Variants in TTC7B observed in about 807,000 individuals in gnomAD.
TTC7B encodes the protein tetratricopeptide repeat protein 7B.
Under a neutral mutation model 106.8 loss-of-function variants are expected in TTC7B, and 28 were observed. The observed-to-expected ratio is 0.26, with a 90% CI of 0.19 to 0.36. The LOEUF (loss-of-function observed/expected upper bound fraction) is 0.36. Among genes scored for constraint, TTC7B ranks in the 10% least tolerant of loss-of-function variants. TTC7B has a pLI of 1.00. For missense variants in TTC7B, 862 were observed against 1,076.4 expected (o/e 0.80, Z 2.79); for synonymous variants, 405 against 430.6 (o/e 0.94, Z 0.74).
chr14:90,550,515 C>T (rs1890032347), intron 19 of TTC7B, among the ~76,000 whole-genome samples: 1 of 152,190 alleles, frequency 6.6e-6, no homozygotes, highest in Admixed American at 6.5e-5. Flanking sequence ...AAAGTGCTTG[C>T]TTTTGGTCTC....
At position 90,617,962 on chromosome 14, in the gene TTC7B, A is replaced by G. The variant is rs1360176568; in HGVS notation, c.1835T>C (p.Ile612Thr). The G allele has an allele frequency of 6.2e-7, 1 of 1,613,968 alleles. No individual in the cohort carries two copies. Among genetic ancestry groups the G allele is most frequent in the South Asian group, 1.1e-5 (1 of 91,082 alleles). Reference sequence around the variant, plus strand: ...GGTGAGGTTGTAGCAGGATTTCCATATCTGCAGCATGTGCTTACAAGTCAG... The same window carrying G: ...GGTGAGGTTGTAGCAGGATTTCCATGTCTGCAGCATGTGCTTACAAGTCAG... The part of the protein sequence containing the change: ...ALLTCKHMLQ[I>T]WKSCYNLTNP... Residue 612 changes from isoleucine (I) to threonine (T), a missense_variant, in exon 16 of 20, where the codon ATA becomes ACA. Ile to Thr is a moderately conservative substitution (Grantham distance 89). Transcript: ENST00000328459.
intron 15 of TTC7B, among the ~76,000 whole-genome samples, chr14:90,631,397 C>G (rs374019046): frequency 1.3e-5 from 2 of 150,732 alleles, no homozygotes; most frequent in Non-Finnish European, 3.0e-5. Context: ...TTTTCCATAG[C>G]GTCTGCACCA....
rs1021965331 is a variant in TTC7B, at chr14:90,805,138, C to T, written c.121+11037G>A. 1.3e-5 allele frequency among the ~76,000 whole-genome samples: 2 copies of T among 152,154 alleles called. No homozygotes were observed. The highest frequency in any genetic ancestry group is 1.9e-4 in the East Asian group (1 of 5,196). ...CCACAGCCACTCCCAGTCCTGAGCA[C>T]GTGCCCAGGTCTGCTAAGAGTTACA... On this transcript the variant is annotated intron_variant, in intron 1 of 19. Coordinates refer to ENST00000328459, the MANE Select transcript of TTC7B (RefSeq NM_001010854.2). This position sits in a 1 kb window ranked among gnomAD's most constrained non-coding sequence, Gnocchi z 4.0.
In TTC7B at chr14:90,657,432, C is replaced by A; in HGVS notation, c.1237-154G>T. On this transcript the variant is annotated intron_variant, in intron 10 of 19. Coordinates refer to ENST00000328459, the MANE Select transcript of TTC7B (RefSeq NM_001010854.2). The surrounding 1 kb of genome is among the most constrained non-coding windows in gnomAD (Gnocchi z 4.2). ...GCGGGGGCCTGAGGTGCATGAAAACCAGAGCCTGCGGCTTCTGAGTGACTG... is the reference window on the plus strand; with the variant it reads ...GCGGGGGCCTGAGGTGCATGAAAACAAGAGCCTGCGGCTTCTGAGTGACTG... 1 of 623,016 alleles carries A rather than the reference C, an allele frequency of 1.6e-6. No homozygotes were observed. Among genetic ancestry groups the A allele is most frequent in the Admixed American group, 3.1e-5 (1 of 32,536 alleles). 38.6% of individuals were successfully genotyped at this position (623,016 alleles called of 1,614,324 possible). A position where few individuals can be genotyped will look rare whatever the true frequency, so the allele number is the denominator to read the frequency against.
intron 1 of TTC7B, among the ~76,000 whole-genome samples, chr14:90,803,285 A>G (rs1390554397): frequency 6.6e-6 from 1 of 152,048 alleles, no homozygotes; most frequent in East Asian, 1.9e-4. Flanking sequence ...ACCTCCATCT[A>G]TCCCCTCATA....
At chr14:90,565,761 TCA>T in intron 19 of TTC7B, among the ~76,000 whole-genome samples, 1 of 152,262 alleles carries the variant, frequency 6.6e-6, no homozygotes, top group South Asian at 2.1e-4. Context: ...ACTTGAACAC[TCA>T]CAGGCCATTG....
At chr14:90,769,644 C>T (rs1890796924) in intron 3 of TTC7B, among the ~76,000 whole-genome samples, 1 of 152,086 alleles carries the variant, frequency 6.6e-6, no homozygotes. Context: ...TGGCATGAGC[C>T]TTTAGTCCCA....
At chr14:90,649,624 C>G (rs58741902) in intron 13 of TTC7B, among the ~76,000 whole-genome samples, 2 of 152,176 alleles carry the variant, frequency 1.3e-5, no homozygotes, top group African/African-American at 4.8e-5. Context: ...CAAGGATGCT[C>G]ACAAAATGCT....
At chr14:90,707,293 G>T (rs1237249262) in intron 5 of TTC7B, among the ~76,000 whole-genome samples, 1 of 152,114 alleles carries the variant, frequency 6.6e-6, no homozygotes, top group Admixed American at 6.5e-5. Flanking sequence ...TGTTGTATAT[G>T]TGCCCCACTG....
rs79054048 is a variant in TTC7B at position 90,741,570 on chromosome 14, T to C, written c.576+3222A>G. Among the ~76,000 whole-genome samples, 602 of 152,330 alleles carry C rather than the reference T, an allele frequency of 4.0e-3. 2 individuals are homozygous for C. The highest frequency in any genetic ancestry group is 0.011 in the South Asian group (55 of 4,828). ...TCCCAAAATAAAGCCCTATTTGCCT[T>C]GGATTGCTCAAGGCTTTGATCAGAT... On this transcript the variant is annotated intron_variant, in intron 4 of 19. Transcript: ENST00000328459.
chr14:90,579,162 T>C (rs993623609), intron 18 of TTC7B, among the ~76,000 whole-genome samples: 2 of 152,316 alleles, frequency 1.3e-5, no homozygotes, highest in South Asian at 2.1e-4. Context: ...GCCTTGCCAA[T>C]TGAGGCACCA....
In TTC7B at chr14:90,731,155, G is replaced by A. The variant is rs148099060; in HGVS notation, c.577-959C>T. On this transcript the variant is annotated intron_variant, in intron 4 of 19. Coordinates refer to ENST00000328459, the MANE Select transcript of TTC7B (RefSeq NM_001010854.2). ...TTAGTAGAGACGGGGGTTTCACCACGTTAGCCAGGATGGTCTCGATCTCCT... is the reference window on the plus strand; with the variant it reads ...TTAGTAGAGACGGGGGTTTCACCACATTAGCCAGGATGGTCTCGATCTCCT... Among the ~76,000 whole-genome samples the A allele has an allele frequency of 1.9e-3, 287 of 151,980 alleles. 1 individual carries two copies. The highest frequency in any genetic ancestry group is 6.3e-3 in the African/African-American group (263 of 41,460).
At chr14:90,693,086 T>G in intron 6 of TTC7B, among the ~76,000 whole-genome samples, 1 of 152,106 alleles carries the variant, frequency 6.6e-6, no homozygotes. Flanking sequence ...CATGCCCAAC[T>G]GAATAATCTC....
At chr14:90,780,224 A>G (rs1891163333) in intron 3 of TTC7B, among the ~76,000 whole-genome samples, 2 of 152,110 alleles carry the variant, frequency 1.3e-5, no homozygotes, top group Non-Finnish European at 2.9e-5. Flanking sequence ...TCTACTAAAA[A>G]TACAAAATTA....
At position 90,730,105 on chromosome 14, in the gene TTC7B, T is replaced by G. The variant is rs772642191; in HGVS notation, c.668A>C (p.Gln223Pro). The stretch of plus-strand genomic sequence containing the variant: ...TTTGAAATAGAGGACATGGGCTCTC[T>G]GAAGTCCTGTTTCTAGGAAAAAACC... Reference protein sequence around the residue: ...ELGFFLETGLQRAHVLYFKNG... With the variant: ...ELGFFLETGLPRAHVLYFKNG... The change falls in exon 5 of 20, where the codon CAG (glutamine) becomes CCG (proline). Residue 223 changes from glutamine to proline, a missense_variant. Gln to Pro is a moderately conservative substitution (Grantham distance 76). Coordinates refer to ENST00000328459, the MANE Select transcript of TTC7B (RefSeq NM_001010854.2). 8 of 1,613,446 alleles carry G rather than the reference T, an allele frequency of 5.0e-6. No homozygotes were observed. The highest frequency in any genetic ancestry group is 1.1e-5 in the South Asian group (1 of 90,972).
At chr14:90,667,177 C>T (rs777961647) in intron 9 of TTC7B, among the ~76,000 whole-genome samples, 3 of 152,190 alleles carry the variant, frequency 2.0e-5, no homozygotes, top group South Asian at 2.1e-4. Context: ...GTTGAGAGTG[C>T]GGCAGCCTGG....
At chr14:90,806,351 C>T (rs752377646) in intron 1 of TTC7B, among the ~76,000 whole-genome samples, 3 of 152,244 alleles carry the variant, frequency 2.0e-5, no homozygotes, top group Non-Finnish European at 2.9e-5. Context: ...GCCAACACCG[C>T]GCTGCTTCAG....
At chr14:90,556,725 A>T (rs1890323889) in intron 19 of TTC7B, among the ~76,000 whole-genome samples, 1 of 152,066 alleles carries the variant, frequency 6.6e-6, no homozygotes, top group South Asian at 2.1e-4. Flanking sequence ...GTGCCCCTGC[A>T]CTTTGGGGAA....
At chr14:90,790,633 A>G (rs1442638975) in intron 1 of TTC7B, among the ~76,000 whole-genome samples, 1 of 151,776 alleles carries the variant, frequency 6.6e-6, no homozygotes, top group Non-Finnish European at 1.5e-5. Flanking sequence ...GGGACCCTGC[A>G]TCTGAAAATG....
Sources: gnomAD v4.1 joint callset for allele counts (sites outside exome capture counted in the v4.1 genomes callset) on GRCh38, gnomAD v4.1.1 for gene constraint, Gnocchi (gnomAD v3.1) non-coding constraint, MANE v1.5 for transcripts, NCBI Gene and HGNC (gene_info 2026-07-23, HGNC 2026-07-21) for gene names.